Variants in GALNT10 observed in about 807,000 individuals in gnomAD.
The protein encoded by GALNT10 is GalNAc transferase 10.
GALNT10 carries 41 observed loss-of-function variants against 75.0 expected under a neutral mutation model. The observed-to-expected ratio is 0.55, with a 90% confidence interval of 0.43 to 0.71. The LOEUF (loss-of-function observed/expected upper bound fraction) is 0.71, where lower values mean the gene tolerates loss of function less well. GALNT10 is among the 30% of genes least tolerant of loss of function. GALNT10 has a pLI of 0.00. For synonymous variants in GALNT10, 302 were observed against 313.0 expected (o/e 0.96, Z 0.37); for missense variants, 727 against 818.5 (o/e 0.89, Z 1.36).
At chr5:154,311,823 C>G (rs1365663684) in intron 3 of GALNT10, among the ~76,000 whole-genome samples, 1 of 152,052 alleles carries the variant, frequency 6.6e-6, no homozygotes, top group Non-Finnish European at 1.5e-5. Flanking sequence ...GTTGGCCAGG[C>G]TGGTCTCAAA....
At chr5:154,345,718 T>C (rs926582272) in intron 4 of GALNT10, among the ~76,000 whole-genome samples, 16 of 149,612 alleles carry the variant, frequency 1.1e-4, no homozygotes, top group African/African-American at 4.0e-4. Context: ...CACTGCAACC[T>C]TGACTTCTCT....
intron 1 of GALNT10, among the ~76,000 whole-genome samples, chr5:154,257,385 T>C (rs1024657302): frequency 2.6e-5 from 4 of 152,204 alleles, no homozygotes; most frequent in African/African-American, 9.7e-5. Context: ...TTTTAGAGAT[T>C]AGAAAAACCC....
chr5:154,276,421 G>C (rs1245642778), intron 1 of GALNT10, among the ~76,000 whole-genome samples: 2 of 152,192 alleles, frequency 1.3e-5, no homozygotes, highest in African/African-American at 2.4e-5. Context: ...AGTACCGCCA[G>C]ATGGAGAAAG....
At chr5:154,217,097 G>T (rs1047883274) in intron 1 of GALNT10, among the ~76,000 whole-genome samples, 2 of 152,100 alleles carry the variant, frequency 1.3e-5, no homozygotes, top group African/African-American at 4.8e-5. Context: ...AGCAGTTATC[G>T]AAAGCCTTGG....
At chr5:154,404,048 G>T in intron 7 of GALNT10, 56 bp from the exon 8 acceptor site, 1 of 1,361,212 alleles carries the variant, frequency 7.3e-7, no homozygotes. Flanking sequence ...CTGGCCTGGC[G>T]GGATGGTGAA....
chr5:154,412,648 G>A lies in GALNT10; in HGVS notation c.1387-241G>A, dbSNP rs758272765. The A allele has an allele frequency of 2.3e-6, 1 of 433,548 alleles. No homozygotes were observed. Among genetic ancestry groups the A allele is most frequent in the Non-Finnish European group, 4.3e-6 (1 of 234,292 alleles). The allele number at this position is 433,548 out of a possible 1,614,324, so 26.9% of individuals were successfully genotyped here. A position where few individuals can be genotyped will look rare whatever the true frequency, so the allele number is the denominator to read the frequency against. ...CTCCACTCCCCCACCACCAACCCAG[G>A]ACTCTGCATACTCTACAATACTACT... On this transcript the variant is annotated intron_variant, in intron 9 of 11. Transcript: ENST00000297107. The surrounding 1 kb of genome is among the most constrained non-coding windows in gnomAD (Gnocchi z 4.2).
At chr5:154,347,710 A>G (rs1449409940) in intron 4 of GALNT10, among the ~76,000 whole-genome samples, 1 of 152,150 alleles carries the variant, frequency 6.6e-6, no homozygotes, top group Non-Finnish European at 1.5e-5. Flanking sequence ...TTTATTTCTC[A>G]TAGAACCATT....
At chr5:154,215,209 G>T (rs981737118) in intron 1 of GALNT10, among the ~76,000 whole-genome samples, 1 of 152,224 alleles carries the variant, frequency 6.6e-6, no homozygotes, top group East Asian at 1.9e-4. Flanking sequence ...TAGCCTGGGC[G>T]CAGTGGCTCA....
At chr5:154,240,115 T>C (rs1753307754) in intron 1 of GALNT10, among the ~76,000 whole-genome samples, 1 of 152,346 alleles carries the variant, frequency 6.6e-6, no homozygotes, top group Middle Eastern at 3.4e-3. Context: ...TATTCGTGTA[T>C]ACACAGGCTT....
chr5:154,306,927 A>G (rs565712206), intron 3 of GALNT10, among the ~76,000 whole-genome samples: 2 of 152,342 alleles, frequency 1.3e-5, no homozygotes, highest in South Asian at 4.1e-4. Flanking sequence ...TAAGAGCAGA[A>G]TACACATTAT....
intron 3 of GALNT10, among the ~76,000 whole-genome samples, chr5:154,323,520 A>G (rs1220444988): frequency 1.3e-5 from 2 of 152,176 alleles, no homozygotes; most frequent in Non-Finnish European, 2.9e-5. Context: ...GGGGCCAGGA[A>G]AGACTTCTGT....
At chr5:154,347,608 C>T (rs571147180) in intron 4 of GALNT10, among the ~76,000 whole-genome samples, 2 of 152,040 alleles carry the variant, frequency 1.3e-5, no homozygotes, top group South Asian at 2.1e-4. Context: ...GTGATCCTCC[C>T]GCCTCTGCCT....
chr5:154,190,852 G>T lies in GALNT10; in HGVS notation c.-15G>T. The stretch of plus-strand genomic sequence containing the variant: ...CGGCGGGGCCGGCGGGGCGCGGCGG[G>T]GCTGACCGGCCCCGATGAGGCGGAA... On this transcript the variant is annotated 5_prime_UTR_variant, in exon 1 of 12. Coordinates refer to ENST00000297107, the MANE Select transcript of GALNT10 (RefSeq NM_198321.4). 8.0e-7 allele frequency: 1 copy of T among 1,249,046 alleles called. No homozygotes were observed. 77.4% of individuals were successfully genotyped at this position (1,249,046 alleles called of 1,614,324 possible). A position where few individuals can be genotyped will look rare whatever the true frequency, so the allele number is the denominator to read the frequency against.
At chr5:154,229,651 T>C (rs1009132179) in intron 1 of GALNT10, among the ~76,000 whole-genome samples, 2 of 151,822 alleles carry the variant, frequency 1.3e-5, no homozygotes, top group African/African-American at 4.8e-5. Context: ...GAGAGTGGCG[T>C]GAACCCAGGA....
intron 4 of GALNT10, among the ~76,000 whole-genome samples, chr5:154,368,531 A>G (rs1321932831): frequency 2.6e-5 from 4 of 152,228 alleles, no homozygotes; most frequent in East Asian, 1.9e-4. Flanking sequence ...AGTGTCCATT[A>G]TGCCTGAAAT....
chr5:154,406,729 G>A (rs181653001), intron 8 of GALNT10, among the ~76,000 whole-genome samples: 5 of 152,264 alleles, frequency 3.3e-5, no homozygotes, highest in Non-Finnish European at 7.4e-5. Context: ...CCCGGGAGGC[G>A]GAAGTTGCAG....
At chr5:154,400,596 T>C (rs1051059099) in intron 7 of GALNT10, among the ~76,000 whole-genome samples, 1 of 152,136 alleles carries the variant, frequency 6.6e-6, no homozygotes, top group African/African-American at 2.4e-5. Context: ...AAACAACAGA[T>C]GCCCATTGCA....
At chr5:154,383,476 G>A (rs1755762764) in intron 6 of GALNT10, among the ~76,000 whole-genome samples, 1 of 152,192 alleles carries the variant, frequency 6.6e-6, no homozygotes, top group South Asian at 2.1e-4. Flanking sequence ...AAAGTAAGTA[G>A]CACACACTGG....
chr5:154,336,149 T>C (rs1754941539), intron 4 of GALNT10, among the ~76,000 whole-genome samples: 2 of 152,374 alleles, frequency 1.3e-5, no homozygotes, highest in South Asian at 4.1e-4. Context: ...TCCATGTCTT[T>C]TTATGGCTTG....
Sources: gnomAD v4.1 joint callset for allele counts (sites outside exome capture counted in the v4.1 genomes callset) on GRCh38, gnomAD v4.1.1 for gene constraint, Gnocchi (gnomAD v3.1) non-coding constraint, MANE v1.5 for transcripts, NCBI Gene and HGNC (gene_info 2026-07-23, HGNC 2026-07-21) for gene names.